The following NAV3 variants were observed in gnomAD, a reference collection of about 807,000 sequenced individuals.
NAV3 encodes neuron navigator 3.
In NAV3, 87 loss-of-function variants were observed where a neutral mutation model predicts 244.7. The ratio of observed to expected loss-of-function variants is 0.36; its 90% CI spans 0.30 to 0.42. The LOEUF is 0.42. NAV3 is among the 20% of genes least tolerant of loss of function. NAV3 has a pLI of 1.00. For synonymous variants in NAV3, 1,126 were observed against 1,042.2 expected (o/e 1.08, Z -1.55); for missense variants, 2,663 against 2,893.3 (o/e 0.92, Z 1.83).
intron 8 of NAV3, among the ~76,000 whole-genome samples, chr12:78,017,686 G>A (rs955586842): frequency 3.3e-5 from 5 of 152,214 alleles, no homozygotes; most frequent in Non-Finnish European, 7.4e-5. Context: ...CACTATATCT[G>A]TCAAAATGTA....
chr12:78,042,934 G>GA (rs1390653677), intron 9 of NAV3, among the ~76,000 whole-genome samples: 12 of 149,190 alleles, frequency 8.0e-5, no homozygotes, highest in South Asian at 2.1e-4. Context: ...AATGATCATA[G>GA]TTTTTTTTTT....
At chr12:77,702,941 A>T (rs73410434) in intron 2 of NAV3, among the ~76,000 whole-genome samples, 3,581 of 151,834 alleles carry the variant, frequency 0.024, 74 homozygotes, top group African/African-American at 0.055. Flanking sequence ...ACCTTTAATA[A>T]TTCTTGTACT....
At chr12:78,171,156 C>T (rs1440666694) in intron 24 of NAV3, among the ~76,000 whole-genome samples, 1 of 151,700 alleles carries the variant, frequency 6.6e-6, no homozygotes, top group African/African-American at 2.4e-5. Flanking sequence ...GTAGGGGCTA[C>T]TTCTTTCAAG....
chr12:78,133,326 G>T (rs1039330959), intron 18 of NAV3, among the ~76,000 whole-genome samples: 7 of 151,742 alleles, frequency 4.6e-5, no homozygotes, highest in Non-Finnish European at 1.0e-4. Flanking sequence ...CTGAACCTCT[G>T]TTCATTGGGC....
At chr12:77,712,042 C>A (rs1052636479) in intron 2 of NAV3, among the ~76,000 whole-genome samples, 1 of 152,090 alleles carries the variant, frequency 6.6e-6, no homozygotes, top group Non-Finnish European at 1.5e-5. Context: ...GTCCTTTAAA[C>A]CCCAGGTCAT....
intron 12 of NAV3, among the ~76,000 whole-genome samples, chr12:78,086,505 C>T (rs1032811522): frequency 6.6e-6 from 1 of 152,036 alleles, no homozygotes. Flanking sequence ...CTACACAGTA[C>T]ACATACTTAT....
At chr12:77,875,371 C>G (rs1677923) in intron 1 of NAV3, among the ~76,000 whole-genome samples, 20,903 of 151,986 alleles carry the variant, frequency 0.14, 1,539 homozygotes, top group East Asian at 0.22. Context: ...CCACACTTCT[C>G]AAAAGAGCAC....
At chr12:78,045,261 G>A (rs1881577122) in intron 9 of NAV3, among the ~76,000 whole-genome samples, 1 of 152,050 alleles carries the variant, frequency 6.6e-6, no homozygotes, top group South Asian at 2.1e-4. Context: ...AACCAGCCTT[G>A]TATCCCAGCA....
At chr12:77,713,268 G>A (rs1405239975) in intron 2 of NAV3, among the ~76,000 whole-genome samples, 1 of 152,116 alleles carries the variant, frequency 6.6e-6, no homozygotes, top group Non-Finnish European at 1.5e-5. Context: ...TTAAGTATTT[G>A]TGTTTCTCTC....
chr12:77,787,584 A>C (rs1870963512), intron 2 of NAV3, among the ~76,000 whole-genome samples: 2 of 152,306 alleles, frequency 1.3e-5, no homozygotes, highest in South Asian at 4.1e-4. Flanking sequence ...ACTCACTATT[A>C]AGAGAACTCA....
intron 2 of NAV3, among the ~76,000 whole-genome samples, chr12:77,659,151 C>T (rs1300103609): frequency 6.6e-6 from 1 of 151,692 alleles, no homozygotes; most frequent in Non-Finnish European, 1.5e-5. Context: ...GCAAAAGAAA[C>T]TACCATCAGA....
chr12:77,890,479 C>A (rs1883801492), intron 1 of NAV3, among the ~76,000 whole-genome samples: 1 of 152,000 alleles, frequency 6.6e-6, no homozygotes, highest in African/African-American at 2.4e-5. Flanking sequence ...ATTTTCATTT[C>A]TTTAATTGTA....
At chr12:77,916,192 G>A (rs1565918184) in intron 1 of NAV3, among the ~76,000 whole-genome samples, 3 of 151,954 alleles carry the variant, frequency 2.0e-5, no homozygotes, top group Admixed American at 6.6e-5. Context: ...AAATTGGACT[G>A]GAGTTATTTA....
chr12:77,863,299 C>G (rs1315023425), intron 1 of NAV3, among the ~76,000 whole-genome samples: 2 of 151,814 alleles, frequency 1.3e-5, no homozygotes, highest in Admixed American at 1.3e-4. Flanking sequence ...AATAAACCGT[C>G]TATATTTGAA....
chr12:78,116,027 G>A (rs1014670139), intron 12 of NAV3, among the ~76,000 whole-genome samples: 1 of 152,068 alleles, frequency 6.6e-6, no homozygotes, highest in Non-Finnish European at 1.5e-5. Flanking sequence ...TGTGTGGCAC[G>A]GGCATTTCAT....
At chr12:77,973,972 T>C (rs1437530723) in intron 5 of NAV3, among the ~76,000 whole-genome samples, 1 of 151,954 alleles carries the variant, frequency 6.6e-6, no homozygotes, top group Non-Finnish European at 1.5e-5. Flanking sequence ...AGAGAAATAA[T>C]TGAAGAGAAA....
chr12:77,828,372 A>G (rs1204439855), upstream of NAV3, among the ~76,000 whole-genome samples: 1 of 152,120 alleles, frequency 6.6e-6, no homozygotes, highest in Non-Finnish European at 1.5e-5. Flanking sequence ...TTATTTATAA[A>G]TTACCCAGTT....
At chr12:77,978,928 C>G (rs1174624419) in intron 5 of NAV3, among the ~76,000 whole-genome samples, 1 of 151,758 alleles carries the variant, frequency 6.6e-6, no homozygotes, top group Non-Finnish European at 1.5e-5. Context: ...AGAGCTTCAG[C>G]CTCAAAATGT....
At chr12:77,943,274 T>C (rs1890044323) in intron 3 of NAV3, among the ~76,000 whole-genome samples, 1 of 152,148 alleles carries the variant, frequency 6.6e-6, no homozygotes, top group African/African-American at 2.4e-5. Flanking sequence ...TGTTGATATT[T>C]CCACTTCTGA....
Sources: allele counts gnomAD v4.1 joint callset (sites outside exome capture counted in the v4.1 genomes callset), GRCh38; gene constraint gnomAD v4.1.1; transcripts MANE v1.5; gene names NCBI Gene and HGNC (gene_info 2026-07-23, HGNC 2026-07-21).